Variants in ATRNL1 observed in about 807,000 individuals in gnomAD.
ATRNL1 encodes the protein attractin-like protein 1.
Under a neutral mutation model 182.7 loss-of-function variants are expected in ATRNL1, and 95 were observed. The observed-to-expected ratio is 0.52, with a 90% CI of 0.44 to 0.62. ATRNL1 has a LOEUF of 0.62. Among genes scored for constraint, ATRNL1 ranks in the 20% least tolerant of loss-of-function variants. ATRNL1 has a pLI of 0.00. For missense variants in ATRNL1, 1,471 were observed against 1,679.5 expected, an observed-to-expected ratio of 0.88 and a Z score of 2.17; for synonymous variants, 576 against 568.3, an observed-to-expected ratio of 1.01 and a Z score of -0.19.
intron 19 of ATRNL1, among the ~76,000 whole-genome samples, chr10:115,379,422 C>T (rs1315382068): frequency 1.3e-5 from 2 of 152,162 alleles, no homozygotes; most frequent in Admixed American, 1.3e-4. Flanking sequence ...AAGTTAGCGT[C>T]TTAGAAATTA....
Position 115,554,453 on chromosome 10 carries a change from A to T in ATRNL1, c.3795+4917A>T, listed in dbSNP as rs115521163. Among the ~76,000 whole-genome samples the T allele has an allele frequency of 9.9e-3, 1,503 of 151,760 alleles. 19 individuals carry two copies. Among genetic ancestry groups the T allele is most frequent in the African/African-American group, 0.033 (1,380 of 41,548 alleles). ...ACTTACCTTGTAAACCTGTTTCCAA[A>T]GACTTCATGGTAAATATAGTGCTTT... is the stretch of plus-strand genomic sequence containing the variant. On this transcript the variant is annotated intron_variant, in intron 26 of 28. Transcript: ENST00000355044.
Position 115,165,416 on chromosome 10 carries a change from C to G in ATRNL1, c.1005-142C>G, listed in dbSNP as rs955339225. On this transcript the variant is annotated intron_variant, in intron 6 of 28. Coordinates refer to ENST00000355044, the MANE Select transcript of ATRNL1 (RefSeq NM_207303.4). ...TCTTTATTAGAAATTTCTAATATGG[C>G]ACATGAAATTATGAGTTTATTAGTT... is the stretch of plus-strand genomic sequence containing the variant. 1.4e-4 allele frequency: 60 copies of G among 417,514 alleles called. 1 individual carries two copies. Among genetic ancestry groups the G allele is most frequent in the African/African-American group, 1.2e-3 (57 of 49,336 alleles). 25.9% of individuals were successfully genotyped at this position (417,514 alleles called of 1,614,324 possible).
At chr10:115,241,240 A>G (rs929291456) in intron 9 of ATRNL1, among the ~76,000 whole-genome samples, 7 of 151,876 alleles carry the variant, frequency 4.6e-5, no homozygotes, top group Non-Finnish European at 8.8e-5. Flanking sequence ...TTGGTATTTT[A>G]AAATGATGTT....
At position 115,267,628 on chromosome 10, in the gene ATRNL1, A is replaced by G. The variant is rs922265378; in HGVS notation, c.1981+623A>G. ...ATGTATTTTTAAGTTTTACTAATCTATATTAATTCAGATGTCTTTTATATC... is the reference window on the plus strand; with the variant it reads ...ATGTATTTTTAAGTTTTACTAATCTGTATTAATTCAGATGTCTTTTATATC... On this transcript the variant is annotated intron_variant, in intron 12 of 28. Transcript: ENST00000355044. Among the ~76,000 whole-genome samples the G allele has an allele frequency of 5.3e-5, 8 of 151,980 alleles. No individual in the cohort carries two copies. In the East Asian group the frequency reaches 9.6e-4, roughly 18 times the overall value.
intron 27 of ATRNL1, among the ~76,000 whole-genome samples, chr10:115,774,985 C>T (rs1211086412): frequency 6.6e-6 from 1 of 151,910 alleles, no homozygotes; most frequent in Non-Finnish European, 1.5e-5. Flanking sequence ...AGTCATAAGA[C>T]ATTAGCTAAG....
chr10:115,819,507 A>AGTT (rs1555089585), intron 27 of ATRNL1, among the ~76,000 whole-genome samples: 1 of 152,092 alleles, frequency 6.6e-6, no homozygotes, highest in Non-Finnish European at 1.5e-5. Context: ...CGCTAGCATG[A>AGTT]GTTGTTCAAG....
rs187701620 is a variant in ATRNL1, at chr10:115,250,368, C to T, written c.1687+8643C>T. On this transcript the variant is annotated intron_variant, in intron 10 of 28. Transcript: ENST00000355044. The stretch of plus-strand genomic sequence containing the variant: ...TATGGCCTTTGACATGTGTGTGAAG[C>T]CTGCATTGTGATTCTTTCACTGGGG... Among the ~76,000 whole-genome samples, 15 of 152,306 alleles carry T rather than the reference C, an allele frequency of 9.8e-5. No individual in the cohort carries two copies. In the East Asian group the frequency reaches 2.9e-3, roughly 29 times the overall value.
chr10:115,903,827 A>G (rs1555114004), intron 28 of ATRNL1, among the ~76,000 whole-genome samples: 1 of 152,154 alleles, frequency 6.6e-6, no homozygotes, highest in African/African-American at 2.4e-5. Context: ...AGGAGAAGGC[A>G]GTGGCAAGGA....
At chr10:115,638,740 A>G (rs940605961) in intron 26 of ATRNL1, among the ~76,000 whole-genome samples, 2 of 152,246 alleles carry the variant, frequency 1.3e-5, no homozygotes, top group Non-Finnish European at 2.9e-5. Context: ...TGAAGATTAT[A>G]AAACTGAAAG....
chr10:115,304,379 A>G (rs565926317), intron 17 of ATRNL1, among the ~76,000 whole-genome samples: 2 of 152,316 alleles, frequency 1.3e-5, no homozygotes, highest in African/African-American at 4.8e-5. Flanking sequence ...TAGCAATTAT[A>G]GTAATGATAT....
intron 18 of ATRNL1, among the ~76,000 whole-genome samples, chr10:115,323,354 A>G (rs1329238947): frequency 6.7e-6 from 1 of 149,478 alleles, no homozygotes; most frequent in African/African-American, 2.5e-5. Flanking sequence ...GATATTCTCT[A>G]TTTGATGAGA....
intron 26 of ATRNL1, 46 bp from the exon 27 acceptor site, chr10:115,727,202 T>C: frequency 7.3e-7 from 1 of 1,363,758 alleles, no homozygotes; most frequent in South Asian, 1.2e-5. Context: ...GAATTTCATG[T>C]GCTTTTAAAC....
chr10:115,906,061 G>C (rs1952493951), intron 28 of ATRNL1, among the ~76,000 whole-genome samples: 1 of 152,116 alleles, frequency 6.6e-6, no homozygotes, highest in African/African-American at 2.4e-5. Context: ...GCATAACTGT[G>C]ACTAACTTCC....
intron 5 of ATRNL1, among the ~76,000 whole-genome samples, chr10:115,148,713 C>T (rs1314595): frequency 0.041 from 6,127 of 149,272 alleles, 424 homozygotes; most frequent in African/African-American, 0.14. Context: ...AGTGGTGTTC[C>T]GAATGGATCT....
intron 21 of ATRNL1, among the ~76,000 whole-genome samples, chr10:115,442,610 C>T (rs11197215): frequency 0.017 from 2,543 of 152,048 alleles, 52 homozygotes; most frequent in African/African-American, 0.054. Flanking sequence ...TGATTGGTTG[C>T]GGCTGTGTTA....
chr10:115,378,702 C>G (rs1176627949), intron 19 of ATRNL1, among the ~76,000 whole-genome samples: 1 of 152,174 alleles, frequency 6.6e-6, no homozygotes, highest in Non-Finnish European at 1.5e-5. Context: ...CACAGTGGCA[C>G]AGATCAGCAA....
intron 27 of ATRNL1, among the ~76,000 whole-genome samples, chr10:115,843,983 G>C (rs1423742200): frequency 6.6e-6 from 1 of 152,012 alleles, no homozygotes; most frequent in Non-Finnish European, 1.5e-5. Flanking sequence ...TTCATCATCT[G>C]TAAAATGGAA....
At chr10:115,702,495 T>C (rs1272639900) in intron 26 of ATRNL1, among the ~76,000 whole-genome samples, 1 of 151,914 alleles carries the variant, frequency 6.6e-6, no homozygotes, top group Non-Finnish European at 1.5e-5. Context: ...GCTGATGATA[T>C]AATTCTATAC....
chr10:115,794,056 A>T (rs116052237), intron 27 of ATRNL1, among the ~76,000 whole-genome samples: 122 of 152,294 alleles, frequency 8.0e-4, no homozygotes, highest in African/African-American at 2.6e-3. Flanking sequence ...AGTGTTGAAC[A>T]AGTAGACAAG....
Sources: gnomAD v4.1 joint callset for allele counts (sites outside exome capture counted in the v4.1 genomes callset) on GRCh38, gnomAD v4.1.1 for gene constraint, MANE v1.5 for transcripts, NCBI Gene and HGNC (gene_info 2026-07-23, HGNC 2026-07-21) for gene names.